Variants in BBS9 observed in about 807,000 individuals in gnomAD.
The protein encoded by BBS9 is Bardet-Biedl syndrome 9.
Under a neutral mutation model 117.7 loss-of-function variants are expected in BBS9, and 89 were observed. The observed-to-expected ratio is 0.76, with a 90% CI of 0.64 to 0.90. The LOEUF (loss-of-function observed/expected upper bound fraction) is 0.90. BBS9 is among the 40% of genes least tolerant of loss of function. BBS9 has a pLI of 0.00. For missense variants in BBS9, 982 were observed against 1,042.2 expected, an observed-to-expected ratio of 0.94 and a Z score of 0.80; for synonymous variants, 379 against 370.9, an observed-to-expected ratio of 1.02 and a Z score of -0.25.
chr7:33,210,995 T>G (rs1222946739), intron 5 of BBS9, among the ~76,000 whole-genome samples: 1 of 152,234 alleles, frequency 6.6e-6, no homozygotes, highest in Non-Finnish European at 1.5e-5. Flanking sequence ...CTACTCTGGC[T>G]CTTCTTTTGA....
At chr7:33,338,009 G>A (rs1397876451) in intron 10 of BBS9, among the ~76,000 whole-genome samples, 4 of 151,884 alleles carry the variant, frequency 2.6e-5, no homozygotes, top group Non-Finnish European at 4.4e-5. Context: ...TGGTTATAGT[G>A]ATGACCTTGG....
intron 5 of BBS9, among the ~76,000 whole-genome samples, chr7:33,242,277 A>T (rs1255652954): frequency 6.6e-6 from 1 of 152,012 alleles, no homozygotes; most frequent in Non-Finnish European, 1.5e-5. Context: ...TTGAGGGGGA[A>T]TGCTATTTAC....
chr7:33,348,570 G>A lies in BBS9; in HGVS notation c.1330-498G>A, dbSNP rs189443058. On this transcript the variant is annotated intron_variant, in intron 12 of 22. Coordinates refer to ENST00000242067, the MANE Select transcript of BBS9 (RefSeq NM_198428.3). Reference sequence around the variant, plus strand: ...AGATTTTGGGTGGACCTATGTTTTCGTTTCTCTTGGTATAGAATTGTGAAG... The same window carrying A: ...AGATTTTGGGTGGACCTATGTTTTCATTTCTCTTGGTATAGAATTGTGAAG... Among the ~76,000 whole-genome samples the A allele has an allele frequency of 1.7e-3, 262 of 152,114 alleles. 4 individuals are homozygous for A. The highest frequency in any genetic ancestry group is 0.013 in the Admixed American group (205 of 15,274).
chr7:33,164,014 G>A (rs1795273190), intron 4 of BBS9, among the ~76,000 whole-genome samples: 1 of 152,292 alleles, frequency 6.6e-6, no homozygotes, highest in South Asian at 2.1e-4. Flanking sequence ...GTGTCCCAGA[G>A]ATTTTGGTAC....
chr7:33,323,060 A>T (rs1812068042), intron 9 of BBS9, among the ~76,000 whole-genome samples: 1 of 151,960 alleles, frequency 6.6e-6, no homozygotes, highest in South Asian at 2.1e-4. Flanking sequence ...TCCTCTTGTT[A>T]TTGATTTCTA....
chr7:33,617,870 G>A (rs1465453514), intron 21 of BBS9, among the ~76,000 whole-genome samples: 1 of 152,110 alleles, frequency 6.6e-6, no homozygotes, highest in African/African-American at 2.4e-5. Flanking sequence ...ATAAAATAAT[G>A]TAGACAGCCT....
chr7:33,349,329 A>G (rs1284742394), intron 13 of BBS9, 159 bp downstream of exon 13: 5 of 670,344 alleles, frequency 7.5e-6, no homozygotes, highest in Non-Finnish European at 1.4e-5. Flanking sequence ...CCCTCTTAGC[A>G]TCAGCATGAA....
intron 21 of BBS9, among the ~76,000 whole-genome samples, chr7:33,544,565 A>C (rs995136853): frequency 6.6e-6 from 1 of 152,180 alleles, no homozygotes; most frequent in Non-Finnish European, 1.5e-5. Flanking sequence ...GTCTCTCAGC[A>C]GTGGATACCA....
chr7:33,309,864 G>A (rs1808842299), intron 9 of BBS9, among the ~76,000 whole-genome samples: 1 of 152,182 alleles, frequency 6.6e-6, no homozygotes, highest in African/African-American at 2.4e-5. Flanking sequence ...GGGAGTTAGT[G>A]GAGCATGGGA....
rs79255702 is a variant in BBS9 at position 33,627,104 on chromosome 7, A to G, written c.2522-8073A>G. 3.1e-4 allele frequency among the ~76,000 whole-genome samples: 47 copies of G among 152,318 alleles called. No homozygotes were observed. In the East Asian group the frequency reaches 8.1e-3, roughly 26 times the overall value. On this transcript the variant is annotated intron_variant, in intron 21 of 21. Transcript: ENST00000671952. ...CGGAGGGTTAGGAGGGAAGAATGGT[A>G]TTGTGGGCTGGGGCCAGTTTTCCAC...
intron 9 of BBS9, among the ~76,000 whole-genome samples, chr7:33,322,695 T>A (rs990125117): frequency 6.6e-6 from 1 of 152,064 alleles, no homozygotes; most frequent in Non-Finnish European, 1.5e-5. Context: ...ACCTTTTCTT[T>A]CATTGATTTT....
Position 33,167,410 on chromosome 7 carries a change from T to C in BBS9, c.329-10068T>C, listed in dbSNP as rs1795868657. On this transcript the variant is annotated intron_variant, in intron 4 of 22. Coordinates refer to ENST00000242067, the MANE Select transcript of BBS9 (RefSeq NM_198428.3). ...ATTAAAGTTCTGAGAATTCTTTTTTTTTTTTTTTTTGAAATGGAGTCTAGC... is the reference window on the plus strand; with the variant it reads ...ATTAAAGTTCTGAGAATTCTTTTTTCTTTTTTTTTTGAAATGGAGTCTAGC... Among the ~76,000 whole-genome samples, 4 of 151,244 alleles carry C rather than the reference T, an allele frequency of 2.6e-5. No homozygotes were observed. The Admixed American group carries it at 2.7e-4, about 10-fold the overall frequency.
chr7:33,226,912 T>A (rs1426719384), intron 5 of BBS9, among the ~76,000 whole-genome samples: 1 of 152,110 alleles, frequency 6.6e-6, no homozygotes, highest in Non-Finnish European at 1.5e-5. Flanking sequence ...GAGTAGTATT[T>A]GATAGATACA....
At chr7:33,539,002 G>GC (rs1851873560) in intron 21 of BBS9, among the ~76,000 whole-genome samples, 2 of 152,184 alleles carry the variant, frequency 1.3e-5, no homozygotes, top group Admixed American at 1.3e-4. Flanking sequence ...AAAATGCTTA[G>GC]CAAGTACCTG....
intron 19 of BBS9, among the ~76,000 whole-genome samples, chr7:33,454,888 A>G (rs928358636): frequency 6.6e-6 from 1 of 152,196 alleles, no homozygotes; most frequent in African/African-American, 2.4e-5. Context: ...GAGTTTGGCC[A>G]GGAGTGGACC....
At chr7:33,401,330 A>T (rs951899443) in intron 19 of BBS9, among the ~76,000 whole-genome samples, 1 of 152,168 alleles carries the variant, frequency 6.6e-6, no homozygotes, top group African/African-American at 2.4e-5. Context: ...ATTTGAGAGG[A>T]TCTGCCTGTT....
chr7:33,152,655 A>G (rs2128107901), intron 2 of BBS9, 46 bp from the exon 3 acceptor site: 2 of 1,530,384 alleles, frequency 1.3e-6, no homozygotes, highest in East Asian at 2.3e-5. Context: ...GAGATTTGCT[A>G]ATGTTTGTTT....
chr7:33,299,952 T>C (rs1178871333), intron 9 of BBS9, among the ~76,000 whole-genome samples: 2 of 152,092 alleles, frequency 1.3e-5, no homozygotes, highest in Non-Finnish European at 2.9e-5. Flanking sequence ...TGGCAGCAAA[T>C]AGATGTTCAC....
chr7:33,392,328 G>A (rs1490712985), intron 19 of BBS9, among the ~76,000 whole-genome samples: 1 of 152,138 alleles, frequency 6.6e-6, no homozygotes, highest in Non-Finnish European at 1.5e-5. Flanking sequence ...ATGTGTCTCT[G>A]GTCAGCTGGT....
Sources: allele counts gnomAD v4.1 joint callset (sites outside exome capture counted in the v4.1 genomes callset), GRCh38; gene constraint gnomAD v4.1.1; transcripts MANE v1.5; gene names NCBI Gene and HGNC (gene_info 2026-07-23, HGNC 2026-07-21).